RPA1: variants seen among roughly 807,000 people sequenced by gnomAD.
RPA1 encodes the protein replication protein A 70 kDa DNA-binding subunit.
A neutral mutation model predicts 83.0 loss-of-function variants in RPA1; 49 were observed. That is an observed-to-expected ratio of 0.59 (90% CI 0.47 to 0.75). The LOEUF (loss-of-function observed/expected upper bound fraction) is 0.75, where lower values mean the gene tolerates loss of function less well. Ranked by LOEUF, RPA1 falls within the 30% of genes least tolerant of loss-of-function variation. The probability of loss-of-function intolerance (pLI) is 0.00; values close to 1 mark genes in which losing one functional copy is unlikely to be tolerated. For synonymous variants in RPA1, 279 were observed against 281.8 expected (o/e 0.99, Z 0.10); for missense variants, 693 against 776.1 (o/e 0.89, Z 1.27).
chr17:1,852,546 G>A (rs1237076006), intron 4 of RPA1, among the ~76,000 whole-genome samples: 1 of 152,210 alleles, frequency 6.6e-6, no homozygotes, highest in East Asian at 1.9e-4. Context: ...GAGGGCAGAG[G>A]GCAGAGGGCA....
At chr17:1,875,488 T>G (rs1225535276) in intron 6 of RPA1, among the ~76,000 whole-genome samples, 173 bp from the exon 7 acceptor site, 1 of 152,184 alleles carries the variant, frequency 6.6e-6, no homozygotes, top group Non-Finnish European at 1.5e-5. Flanking sequence ...GCCTCCAGCC[T>G]CAGTCTCTAT....
At chr17:1,873,981 A>G (rs1913474515) in intron 6 of RPA1, among the ~76,000 whole-genome samples, 1 of 125,940 alleles carries the variant, frequency 7.9e-6, no homozygotes, top group Admixed American at 8.9e-5. Flanking sequence ...CAACAAAGTG[A>G]GACTCTGTCT....
intron 6 of RPA1, 101 bp from the exon 7 acceptor site, chr17:1,875,560 C>G: frequency 7.8e-7 from 1 of 1,275,142 alleles, no homozygotes; most frequent in Non-Finnish European, 1.1e-6. Context: ...TATATGATTT[C>G]ACTAGTGGCA....
At chr17:1,842,675 G>GC in intron 1 of RPA1, 128 bp from the exon 2 acceptor site, 1 of 725,176 alleles carries the variant, frequency 1.4e-6, no homozygotes, top group Non-Finnish European at 2.4e-6. Flanking sequence ...AGATGCTTCA[G>GC]CTGACAGGCT....
intron 1 of RPA1, among the ~76,000 whole-genome samples, chr17:1,836,301 G>A (rs2151266627): frequency 6.6e-6 from 1 of 151,864 alleles, no homozygotes; most frequent in East Asian, 1.9e-4. Flanking sequence ...ATAGTGATGG[G>A]GTTTCACTAT....
At chr17:1,842,053 G>A (rs772400052) in intron 1 of RPA1, among the ~76,000 whole-genome samples, 3 of 151,814 alleles carry the variant, frequency 2.0e-5, no homozygotes, top group Non-Finnish European at 4.4e-5. Flanking sequence ...ACAGAGTCTC[G>A]CTATGTTGCT....
intron 5 of RPA1, among the ~76,000 whole-genome samples, chr17:1,853,846 A>G (rs138236399): frequency 2.6e-5 from 4 of 152,338 alleles, no homozygotes; most frequent in African/African-American, 9.6e-5. Context: ...AGTGTGAAGC[A>G]TGCAGTCTAT....
intron 15 of RPA1, among the ~76,000 whole-genome samples, chr17:1,893,942 C>T (rs1349941585): frequency 2.6e-5 from 4 of 151,806 alleles, no homozygotes; most frequent in Non-Finnish European, 5.9e-5. Flanking sequence ...CTCACTGCAG[C>T]TTCAAACTCT....
chr17:1,899,563 G>A lies in RPA1; in HGVS notation c.*2388G>A, dbSNP rs1249630040. The A allele has an allele frequency of 6.6e-6, 1 of 152,106 alleles. No homozygotes were observed. The highest frequency in any genetic ancestry group is 1.5e-5 in the Non-Finnish European group (1 of 68,022). 9.4% of individuals were successfully genotyped at this position (152,106 alleles called of 1,614,324 possible). On this transcript the variant is annotated 3_prime_UTR_variant, in exon 17 of 17. Coordinates refer to ENST00000254719, the MANE Select transcript of RPA1 (RefSeq NM_002945.5). ...AAACCTTGCTAATCTCTCGCGTGCT[G>A]TTCCTTTTTTGAACTGCAGGGTCAA...
At chr17:1,850,857 G>A (rs1375194694) in intron 4 of RPA1, among the ~76,000 whole-genome samples, 2 of 150,482 alleles carry the variant, frequency 1.3e-5, no homozygotes, top group Non-Finnish European at 3.0e-5. Context: ...GTGCCACTGC[G>A]CTCCAGCCTG....
chr17:1,872,347 C>CT, intron 5 of RPA1, 87 bp from the exon 6 acceptor site: 1 of 1,530,954 alleles, frequency 6.5e-7, no homozygotes, highest in East Asian at 2.4e-5. Context: ...AAAATTTACA[C>CT]TTTCCCAGAG....
At chr17:1,834,600 G>T (rs565283466) in intron 1 of RPA1, among the ~76,000 whole-genome samples, 29 of 152,274 alleles carry the variant, frequency 1.9e-4, no homozygotes, top group Admixed American at 7.2e-4. Context: ...TAAAATAAGA[G>T]ATGATGCATA....
chr17:1,892,686 C>G (rs942179436), intron 15 of RPA1, among the ~76,000 whole-genome samples: 3 of 152,178 alleles, frequency 2.0e-5, no homozygotes, highest in African/African-American at 7.2e-5. Context: ...CTGGGTCTGT[C>G]CTATAAAACA....
chr17:1,865,848 TG>T (rs1489599854), intron 5 of RPA1, among the ~76,000 whole-genome samples: 1 of 152,212 alleles, frequency 6.6e-6, no homozygotes, highest in Non-Finnish European at 1.5e-5. Flanking sequence ...CTGTTCAGGC[TG>T]GTCTCAAACT....
At chr17:1,879,446 G>A (rs1224968824) in intron 10 of RPA1, 39 bp downstream of exon 10, 4 of 1,611,428 alleles carry the variant, frequency 2.5e-6, no homozygotes, top group Admixed American at 1.7e-5. Context: ...GGGATGACTA[G>A]CTTTCTTTGC....
chr17:1,830,759 G>T (rs1597409479), intron 1 of RPA1: 1 of 130,262 alleles, frequency 7.7e-6, no homozygotes, highest in African/African-American at 2.9e-5. Context: ...CTTGACTCCC[G>T]AGGCAATTTC....
Position 1,852,173 on chromosome 17 carries a change from C to T in RPA1, c.273-928C>T, listed in dbSNP as rs896344375. On this transcript the variant is annotated intron_variant, in intron 4 of 16. Coordinates refer to ENST00000254719, the MANE Select transcript of RPA1 (RefSeq NM_002945.5). ...TCATCAAGTATGTATTGAGCAACAA[C>T]TGTGGGCCATTTGCTTCATTAAGCA... Among the ~76,000 whole-genome samples the T allele has an allele frequency of 2.0e-5, 3 of 152,258 alleles. No individual in the cohort carries two copies. In the South Asian group the frequency reaches 6.2e-4, roughly 32 times the overall value.
chr17:1,854,222 G>A (rs1370872942), intron 5 of RPA1: 3 of 152,030 alleles, frequency 2.0e-5, no homozygotes, highest in South Asian at 2.1e-4. Flanking sequence ...TTAAAGGAAA[G>A]GATTGTTTGC....
At chr17:1,851,564 A>G (rs910775394) in intron 4 of RPA1, among the ~76,000 whole-genome samples, 2 of 152,178 alleles carry the variant, frequency 1.3e-5, no homozygotes, top group African/African-American at 4.8e-5. Flanking sequence ...ATATGCTGCT[A>G]GGTTCATCTT....
Sources: gnomAD v4.1 joint callset for allele counts (sites outside exome capture counted in the v4.1 genomes callset) on GRCh38, gnomAD v4.1.1 for gene constraint, MANE v1.5 for transcripts, NCBI Gene and HGNC (gene_info 2026-07-23, HGNC 2026-07-21) for gene names.